The following SPMIP3 variants were observed in gnomAD, a reference collection of about 807,000 sequenced individuals.
SPMIP3 encodes sperm microtubule inner protein 3.
the SPMIP3 span, among the ~76,000 whole-genome samples, chr1:244,385,324 A>G: frequency 6.6e-6 from 1 of 152,214 alleles, no homozygotes; most frequent in African/African-American, 2.4e-5. Context: ...TGCTTAAGAA[A>G]TTCTTCCTCA....
the SPMIP3 span, among the ~76,000 whole-genome samples, chr1:244,357,707 CAAA>C: frequency 4.7e-3 from 451 of 95,092 alleles, 4 homozygotes; most frequent in African/African-American, 0.018. Context: ...GACTCCATCT[CAAA>C]AAAAAAAAAA....
the SPMIP3 span, among the ~76,000 whole-genome samples, chr1:244,359,488 G>C: frequency 1.1e-4 from 16 of 152,202 alleles, no homozygotes; most frequent in Non-Finnish European, 5.9e-5. Flanking sequence ...TTGGGAGGCA[G>C]AGGTGGGCAG....
the SPMIP3 span, among the ~76,000 whole-genome samples, chr1:244,369,902 G>A: frequency 6.6e-6 from 1 of 152,140 alleles, no homozygotes; most frequent in Non-Finnish European, 1.5e-5. Flanking sequence ...TACACGTGGT[G>A]ACAGAGAAAG....
chr1:244,388,573 A>T, the SPMIP3 span, among the ~76,000 whole-genome samples: 1 of 152,206 alleles, frequency 6.6e-6, no homozygotes, highest in Admixed American at 6.5e-5. Context: ...AAATTTGAAA[A>T]AACAAAGAAA....
chr1:244,378,476 A>T, the SPMIP3 span: 1 of 1,612,526 alleles, frequency 6.2e-7, no homozygotes, highest in African/African-American at 1.3e-5. Context: ...GACCGCTCAT[A>T]GACTTGACAA....
At chr1:244,360,552 ACACACATG>A in the SPMIP3 span, among the ~76,000 whole-genome samples, 39 of 46,646 alleles carry the variant, frequency 8.4e-4, 1 homozygote, top group African/African-American at 2.8e-3. Context: ...ACACACACAC[ACACACATG>A]CATGCATGGA....
the SPMIP3 span, chr1:244,375,505 A>C: frequency 4.5e-6 from 7 of 1,539,940 alleles, no homozygotes; most frequent in African/African-American, 1.4e-5. Context: ...CAAGAATGTC[A>C]CGAAAGCTAC....
At chr1:244,358,246 G>GAAAAGAAAAT in the SPMIP3 span, among the ~76,000 whole-genome samples, 32 of 150,606 alleles carry the variant, frequency 2.1e-4, no homozygotes, top group African/African-American at 7.6e-4. Flanking sequence ...AAAAAGAAAA[G>GAAAAGAAAAT]AAAAGAAAAT....
At chr1:244,378,919 T>TATTTATTTA in the SPMIP3 span, among the ~76,000 whole-genome samples, 39,889 of 151,682 alleles carry the variant, frequency 0.26, 5,464 homozygotes, top group East Asian at 0.46. Flanking sequence ...TTCTTTTATC[T>TATTTATTTA]TTTATTTATT....
the SPMIP3 span, among the ~76,000 whole-genome samples, chr1:244,382,631 T>C: frequency 1.7e-5 from 2 of 116,656 alleles, no homozygotes. Context: ...TGAGACGGAG[T>C]GTTGCTCTGT....
chr1:244,363,950 A>G, the SPMIP3 span, among the ~76,000 whole-genome samples: 2 of 151,622 alleles, frequency 1.3e-5, no homozygotes, highest in East Asian at 1.9e-4. Flanking sequence ...CACTCTGGGA[A>G]ATGTCGTGCT....
At chr1:244,381,627 A>G in the SPMIP3 span, among the ~76,000 whole-genome samples, 167 of 152,300 alleles carry the variant, frequency 1.1e-3, no homozygotes, top group African/African-American at 3.8e-3. Context: ...TACCAAATAG[A>G]GGTGCAGGAG....
At chr1:244,359,664 A>T in the SPMIP3 span, among the ~76,000 whole-genome samples, 1 of 151,950 alleles carries the variant, frequency 6.6e-6, no homozygotes, top group East Asian at 1.9e-4. Flanking sequence ...CGGAGGCTAC[A>T]GTGAGCCGAG....
chr1:244,353,597 A>C, the SPMIP3 span, among the ~76,000 whole-genome samples: 1 of 152,224 alleles, frequency 6.6e-6, no homozygotes, highest in Non-Finnish European at 1.5e-5. Flanking sequence ...GGGAATTCAC[A>C]GGAGGGAAAT....
the SPMIP3 span, among the ~76,000 whole-genome samples, chr1:244,354,238 C>T: frequency 1.3e-5 from 2 of 152,034 alleles, no homozygotes; most frequent in African/African-American, 4.8e-5. Context: ...CTTCTCTGGA[C>T]AGATTAATTA....
the SPMIP3 span, among the ~76,000 whole-genome samples, chr1:244,358,784 GGAATAACTGAAACTGAGT>G: frequency 1.3e-5 from 2 of 152,222 alleles, no homozygotes; most frequent in South Asian, 4.1e-4. Context: ...AGATTTCCTA[GGAATAACTGAAACTGAGT>G]GAATGGTAGG....
the SPMIP3 span, chr1:244,389,441 G>T: frequency 1.2e-5 from 2 of 163,536 alleles, no homozygotes; most frequent in East Asian, 1.8e-4. Context: ...AAAGAAAACT[G>T]GCACTGGAGA....
the SPMIP3 span, among the ~76,000 whole-genome samples, chr1:244,367,428 C>T: frequency 2.6e-5 from 4 of 152,200 alleles, no homozygotes; most frequent in South Asian, 4.1e-4. Context: ...CTGGAGAAGC[C>T]GTCCCATGGG....
the SPMIP3 span, among the ~76,000 whole-genome samples, chr1:244,374,835 T>A: frequency 6.6e-6 from 1 of 152,138 alleles, no homozygotes; most frequent in East Asian, 1.9e-4. Flanking sequence ...TGACCCCAAG[T>A]GATCCACCCA....
Sources: gnomAD v4.1 joint callset for allele counts (sites outside exome capture counted in the v4.1 genomes callset) on GRCh38, gnomAD v4.1.1 for gene constraint, MANE v1.5 for transcripts, NCBI Gene and HGNC (gene_info 2026-07-23, HGNC 2026-07-21) for gene names.